ZDHHC14: variants seen among roughly 807,000 people sequenced by gnomAD.
The protein encoded by ZDHHC14 is zDHHC palmitoyltransferase 14.
In ZDHHC14, 16 loss-of-function variants were observed where a neutral mutation model predicts 47.7. The observed-to-expected ratio is 0.34, with a 90% CI of 0.23 to 0.51. ZDHHC14 has a LOEUF of 0.51. ZDHHC14 is among the 20% of genes least tolerant of loss of function. The probability of loss-of-function intolerance (pLI) is 0.97; values close to 1 mark genes in which losing one functional copy is unlikely to be tolerated. For missense variants in ZDHHC14, 515 were observed against 662.5 expected (o/e 0.78, Z 2.44); for synonymous variants, 293 against 278.9 (o/e 1.05, Z -0.50).
At chr6:157,411,462 T>C (rs1036960445) in intron 1 of ZDHHC14, among the ~76,000 whole-genome samples, 2 of 152,180 alleles carry the variant, frequency 1.3e-5, no homozygotes, top group African/African-American at 4.8e-5. Context: ...AACAAATGCA[T>C]GCAAAAACTC....
At chr6:157,581,228 G>A (rs148487356) in intron 2 of ZDHHC14, among the ~76,000 whole-genome samples, 6,869 of 150,526 alleles carry the variant, frequency 0.046, 490 homozygotes, top group African/African-American at 0.15. Context: ...TAATCGTATC[G>A]TTTTGAGCAA....
At chr6:157,592,817 G>A in intron 2 of ZDHHC14, 171 bp from the exon 3 acceptor site, 3 of 1,426,618 alleles carry the variant, frequency 2.1e-6, no homozygotes, top group East Asian at 2.6e-5. Flanking sequence ...GGAGGCCGGG[G>A]TCCCAGCGGA....
At chr6:157,512,227 G>A (rs1160703244) in intron 1 of ZDHHC14, among the ~76,000 whole-genome samples, 2 of 152,232 alleles carry the variant, frequency 1.3e-5, no homozygotes, top group East Asian at 3.9e-4. Flanking sequence ...GTGGAGCCGG[G>A]ATTTGAACCC....
At chr6:157,382,335 G>C (rs1304314135) in intron 1 of ZDHHC14, 69 bp downstream of exon 1, 2 of 1,554,830 alleles carry the variant, frequency 1.3e-6, no homozygotes, top group Non-Finnish European at 1.7e-6. Flanking sequence ...CCCCTCCTCG[G>C]GCTGCTTTCG....
In ZDHHC14 at chr6:157,462,985, A is replaced by T. The variant is rs532607432; in HGVS notation, c.246-79600A>T. Among the ~76,000 whole-genome samples the T allele has an allele frequency of 5.2e-5, 8 of 152,384 alleles. No individual in the cohort carries two copies. The South Asian group carries it at 1.7e-3, about 32-fold the overall frequency. ...AATACTGCTGTTTCATTACCAATAA[A>T]ATTTCCTAAAAGTGCATAAAGATAA... On this transcript the variant is annotated intron_variant, in intron 1 of 8. Transcript: ENST00000359775.
In ZDHHC14 at chr6:157,522,314, T is replaced by C. The variant is rs142161342; in HGVS notation, c.246-20271T>C. Among the ~76,000 whole-genome samples, 8 of 152,316 alleles carry C rather than the reference T, an allele frequency of 5.3e-5. No individual in the cohort carries two copies. The East Asian group carries it at 1.5e-3, about 29-fold the overall frequency. On this transcript the variant is annotated intron_variant, in intron 1 of 8. Transcript: ENST00000359775. Reference sequence around the variant, plus strand: ...GCTTTCACAACTAAAACTGAGAAATTCTATCATCAAATAATTGGAGTTTAG... The same window carrying C: ...GCTTTCACAACTAAAACTGAGAAATCCTATCATCAAATAATTGGAGTTTAG...
intron 2 of ZDHHC14, among the ~76,000 whole-genome samples, chr6:157,549,622 G>C (rs772416817): frequency 6.6e-6 from 1 of 152,166 alleles, no homozygotes; most frequent in African/African-American, 2.4e-5. Flanking sequence ...GTGGCAGCTC[G>C]GGATGTCGAG....
At chr6:157,476,102 G>C (rs1160467637) in intron 1 of ZDHHC14, among the ~76,000 whole-genome samples, 2 of 151,880 alleles carry the variant, frequency 1.3e-5, no homozygotes, top group African/African-American at 4.8e-5. Flanking sequence ...AAATAATAGA[G>C]ATCACAGCAA....
chr6:157,545,983 T>C (rs1781956992), intron 2 of ZDHHC14, among the ~76,000 whole-genome samples: 1 of 152,248 alleles, frequency 6.6e-6, no homozygotes, highest in African/African-American at 2.4e-5. Flanking sequence ...GTTTTTTGTT[T>C]TGTCTAATTC....
At chr6:157,573,996 C>A (rs1783202979) in intron 2 of ZDHHC14, among the ~76,000 whole-genome samples, 1 of 151,932 alleles carries the variant, frequency 6.6e-6, no homozygotes, top group Non-Finnish European at 1.5e-5. Context: ...GTTCCTAGGG[C>A]CTCGGCTGTG....
At chr6:157,535,329 A>T (rs1452102855) in intron 1 of ZDHHC14, among the ~76,000 whole-genome samples, 3 of 152,114 alleles carry the variant, frequency 2.0e-5, no homozygotes, top group East Asian at 1.9e-4. Context: ...GAAAAACCAG[A>T]TTTCCTAAGT....
intron 7 of ZDHHC14, 35 bp downstream of exon 7, chr6:157,647,403 C>A: frequency 6.5e-7 from 1 of 1,546,504 alleles, no homozygotes; most frequent in Non-Finnish European, 8.9e-7. Context: ...CTTCAACAGA[C>A]CTTGGAAAAC....
In ZDHHC14 at chr6:157,484,640, G is replaced by A. The variant is rs563116670; in HGVS notation, c.246-57945G>A. Among the ~76,000 whole-genome samples, 12 of 151,114 alleles carry A rather than the reference G, an allele frequency of 7.9e-5. No homozygotes were observed. In the South Asian group the frequency reaches 1.3e-3, roughly 16 times the overall value. On this transcript the variant is annotated intron_variant, in intron 1 of 8. Coordinates refer to ENST00000359775, the MANE Select transcript of ZDHHC14 (RefSeq NM_024630.3). ...TATTTTACAAAGAAATAATCCTTTC[G>A]GGCAATCAAAAATTTTTCCAGCATT...
At chr6:157,469,732 C>T (rs1010702671) in intron 1 of ZDHHC14, among the ~76,000 whole-genome samples, 1 of 152,182 alleles carries the variant, frequency 6.6e-6, no homozygotes, top group Non-Finnish European at 1.5e-5. Flanking sequence ...CTGGAAGTGA[C>T]TCACCTTACC....
intron 2 of ZDHHC14, among the ~76,000 whole-genome samples, chr6:157,584,565 C>T (rs982915776): frequency 2.0e-5 from 3 of 152,190 alleles, no homozygotes; most frequent in African/African-American, 4.8e-5. Context: ...GATGGAAGTG[C>T]TCTGCTATTC....
intron 4 of ZDHHC14, 158 bp from the exon 5 acceptor site, chr6:157,632,676 C>T (rs1370147139): frequency 6.9e-6 from 5 of 719,780 alleles, no homozygotes; most frequent in Non-Finnish European, 1.2e-5. Flanking sequence ...ACTTTAGTGG[C>T]ATCTCAATCT....
chr6:157,392,022 T>G (rs980010887), intron 1 of ZDHHC14, among the ~76,000 whole-genome samples: 1 of 152,258 alleles, frequency 6.6e-6, no homozygotes, highest in Non-Finnish European at 1.5e-5. Context: ...TGGCATTTGC[T>G]GTCATTTTGT....
At chr6:157,470,509 G>A (rs1056231451) in intron 1 of ZDHHC14, among the ~76,000 whole-genome samples, 1 of 152,144 alleles carries the variant, frequency 6.6e-6, no homozygotes, top group Non-Finnish European at 1.5e-5. Flanking sequence ...GTGTCAAAAA[G>A]CTAAAGGTAT....
intron 1 of ZDHHC14, among the ~76,000 whole-genome samples, chr6:157,531,075 TG>T (rs1781346152): frequency 2.0e-5 from 3 of 152,092 alleles, no homozygotes; most frequent in Admixed American, 2.0e-4. Flanking sequence ...AAGTGGGGTC[TG>T]CTCAGGTCCC....
Sources: gnomAD v4.1 joint callset for allele counts (sites outside exome capture counted in the v4.1 genomes callset) on GRCh38, gnomAD v4.1.1 for gene constraint, MANE v1.5 for transcripts, NCBI Gene and HGNC (gene_info 2026-07-23, HGNC 2026-07-21) for gene names.